Variants in LITAF observed in about 807,000 individuals in gnomAD.
LITAF encodes lipopolysaccharide-induced tumor necrosis factor-alpha factor.
LITAF carries 9 observed loss-of-function variants against 14.5 expected under a neutral mutation model. The observed-to-expected ratio is 0.62, with a 90% CI of 0.37 to 1.08. The LOEUF (loss-of-function observed/expected upper bound fraction) is 1.08, where lower values mean the gene tolerates loss of function less well. Among genes scored for constraint, LITAF ranks in the 50% least tolerant of loss-of-function variants. LITAF has a pLI of 0.01. For synonymous variants in LITAF, 98 were observed against 88.2 expected (o/e 1.11, Z -0.62); for missense variants, 206 against 213.4 (o/e 0.97, Z 0.22).
At chr16:11,618,466 G>A (rs907998182) in intron 3 of LITAF, among the ~76,000 whole-genome samples, 2 of 152,208 alleles carry the variant, frequency 1.3e-5, no homozygotes, top group African/African-American at 4.8e-5. Flanking sequence ...CACTAACTGT[G>A]GGCAGCTTCT....
intron 3 of LITAF, among the ~76,000 whole-genome samples, chr16:11,618,149 G>A (rs764640279): frequency 6.6e-6 from 1 of 152,190 alleles, no homozygotes; most frequent in Non-Finnish European, 1.5e-5. Flanking sequence ...TTACAGGCGT[G>A]AGCCACTGCA....
rs1293552924 is a variant in LITAF at position 11,548,416 on chromosome 16, A to G, written c.*1221T>C. The G allele has an allele frequency of 6.6e-6, 3 of 453,870 alleles. No individual in the cohort carries two copies. Among genetic ancestry groups the G allele is most frequent in the African/African-American group, 6.0e-5 (3 of 49,956 alleles). The allele number at this position is 453,870 out of a possible 1,614,324, so 28.1% of individuals were successfully genotyped here. A position where few individuals can be genotyped will look rare whatever the true frequency, so the allele number is the denominator to read the frequency against. On this transcript the variant is annotated 3_prime_UTR_variant, in exon 4 of 4. Coordinates refer to ENST00000622633, the MANE Select transcript of LITAF (RefSeq NM_001136472.2). ...TCCTCTGAAACAGTTCTGGTTCCCA[A>G]GCATCCGCACCATGGTACCCAGACA...
At position 11,605,227 on chromosome 16, in the gene LITAF, G is replaced by C. The variant is rs1327589250; in HGVS notation, c.85+28306C>G. On this transcript the variant is annotated intron_variant, in intron 3 of 3. Transcript: ENST00000574848. This position sits in a 1 kb window ranked among gnomAD's most constrained non-coding sequence, Gnocchi z 4.7. Reference sequence around the variant, plus strand: ...CTGGATGGAGGATGAGCTGAATTACGCACCGTGGACTTCACCAGTGGGGCT... The same window carrying C: ...CTGGATGGAGGATGAGCTGAATTACCCACCGTGGACTTCACCAGTGGGGCT... 6.6e-6 allele frequency among the ~76,000 whole-genome samples: 1 copy of C among 152,128 alleles called. No individual in the cohort carries two copies. The highest frequency in any genetic ancestry group is 1.5e-5 in the Non-Finnish European group (1 of 68,022).
At chr16:11,612,666 C>T (rs1381262930) in intron 3 of LITAF, among the ~76,000 whole-genome samples, 1 of 152,134 alleles carries the variant, frequency 6.6e-6, no homozygotes, top group Non-Finnish European at 1.5e-5. Context: ...CCACCCCACT[C>T]CCAGCCCAGA....
chr16:11,598,390 T>C (rs2064905611), exon 1 of LITAF: 1 of 151,668 alleles, frequency 6.6e-6, no homozygotes, highest in Admixed American at 6.6e-5. Context: ...AGACGCACCA[T>C]GGCTGGGCTG....
intron 1 of LITAF, among the ~76,000 whole-genome samples, chr16:11,561,906 T>A (rs534198417): frequency 1.4e-4 from 21 of 149,074 alleles, no homozygotes; most frequent in African/African-American, 2.0e-4. Flanking sequence ...GTCTTTTTTT[T>A]AAAAAAGAGG....
intron 1 of LITAF, among the ~76,000 whole-genome samples, chr16:11,580,060 C>A (rs1434841009): frequency 6.6e-6 from 1 of 152,080 alleles, no homozygotes; most frequent in Non-Finnish European, 1.5e-5. Context: ...ACATGATGCT[C>A]AAAGGAAATG....
At chr16:11,622,973 A>AT (rs202169515) in intron 3 of LITAF, among the ~76,000 whole-genome samples, 1 of 115,036 alleles carries the variant, frequency 8.7e-6, no homozygotes, top group Non-Finnish European at 1.8e-5. Context: ...TATATATATA[A>AT]TTTTTTTTTT....
intron 2 of LITAF, among the ~76,000 whole-genome samples, chr16:11,633,995 T>A (rs2065128883): frequency 6.6e-6 from 1 of 152,174 alleles, no homozygotes; most frequent in South Asian, 2.1e-4. Context: ...CTGTGATTAG[T>A]GGCATCACAC....
chr16:11,554,130 G>A, intron 2 of LITAF, among the ~76,000 whole-genome samples: 1 of 152,164 alleles, frequency 6.6e-6, no homozygotes, highest in Admixed American at 6.6e-5. Context: ...TACTCAGGAG[G>A]CTGAGGTGGG....
At chr16:11,620,339 T>G (rs2065042532) in intron 3 of LITAF, among the ~76,000 whole-genome samples, 1 of 152,034 alleles carries the variant, frequency 6.6e-6, no homozygotes, top group Admixed American at 6.6e-5. Flanking sequence ...GAGATCTGAT[T>G]GTTTAAAAGA....
intron 3 of LITAF, among the ~76,000 whole-genome samples, chr16:11,610,081 G>A (rs889161229): frequency 2.0e-5 from 3 of 152,172 alleles, no homozygotes; most frequent in African/African-American, 7.2e-5. Context: ...GGCTTTGGGG[G>A]GCCTCAGGGA....
intron 3 of LITAF, among the ~76,000 whole-genome samples, chr16:11,552,215 G>A (rs1818259311): frequency 6.6e-6 from 1 of 152,178 alleles, no homozygotes; most frequent in Non-Finnish European, 1.5e-5. Context: ...GGAAAAGAAT[G>A]GAGCCCCTTG....
chr16:11,637,747 C>T (rs1020586516), upstream of LITAF, among the ~76,000 whole-genome samples: 6 of 150,820 alleles, frequency 4.0e-5, no homozygotes, highest in Admixed American at 2.7e-4. Flanking sequence ...CCAGGCATGC[C>T]GGTGGTGCCT....
intron 3 of LITAF, among the ~76,000 whole-genome samples, chr16:11,626,471 C>G (rs989112490): frequency 6.6e-6 from 1 of 151,558 alleles, no homozygotes; most frequent in Non-Finnish European, 1.5e-5. Flanking sequence ...AGCCTCCTGA[C>G]TAGCTGGGAC....
chr16:11,599,864 T>C (rs1019030360), upstream of LITAF, among the ~76,000 whole-genome samples: 3 of 152,186 alleles, frequency 2.0e-5, no homozygotes, highest in Non-Finnish European at 4.4e-5. Flanking sequence ...CTATGTGGCC[T>C]GCTCCTTCCT....
chr16:11,631,422 G>C (rs996877513), intron 3 of LITAF, among the ~76,000 whole-genome samples: 1 of 152,114 alleles, frequency 6.6e-6, no homozygotes, highest in African/African-American at 2.4e-5. Context: ...TTGAGACAGG[G>C]TCTCACTCTG....
At chr16:11,610,640 G>T (rs562151685) in intron 3 of LITAF, among the ~76,000 whole-genome samples, 1 of 152,128 alleles carries the variant, frequency 6.6e-6, no homozygotes, top group East Asian at 1.9e-4. Flanking sequence ...CAGTAAATAA[G>T]AGGAAAAAAA....
chr16:11,569,975 G>C (rs1033696535), intron 1 of LITAF, among the ~76,000 whole-genome samples: 2 of 151,340 alleles, frequency 1.3e-5, no homozygotes, highest in South Asian at 4.2e-4. Flanking sequence ...AGATTGCAGT[G>C]AGACGAGACG....
Sources: allele counts gnomAD v4.1 joint callset (sites outside exome capture counted in the v4.1 genomes callset), GRCh38; gene constraint gnomAD v4.1.1; non-coding constraint Gnocchi (gnomAD v3.1); transcripts MANE v1.5; gene names NCBI Gene and HGNC (gene_info 2026-07-23, HGNC 2026-07-21).